Variants in PHC2 observed in about 807,000 individuals in gnomAD.
PHC2 encodes polyhomeotic homolog 2, also known as polyhomeotic-like protein 2.
Under a neutral mutation model 87.4 loss-of-function variants are expected in PHC2, and 29 were observed. The observed-to-expected ratio is 0.33, with a 90% CI of 0.25 to 0.45. The LOEUF (loss-of-function observed/expected upper bound fraction) is 0.45, where lower values mean the gene tolerates loss of function less well. PHC2 is among the 20% of genes least tolerant of loss of function. The probability of loss-of-function intolerance (pLI) is 1.00; values close to 1 mark genes in which losing one functional copy is unlikely to be tolerated. For synonymous variants in PHC2, 438 were observed against 461.7 expected (o/e 0.95, Z 0.66); for missense variants, 857 against 1,136.7 (o/e 0.75, Z 3.54).
At chr1:33,358,336 T>C (rs61801974) in intron 7 of PHC2, among the ~76,000 whole-genome samples, 6,036 of 152,174 alleles carry the variant, frequency 0.04, 171 homozygotes, top group Non-Finnish European at 0.059. Flanking sequence ...CTGAAAGCAA[T>C]TGTTTTAGGA....
intron 6 of PHC2, among the ~76,000 whole-genome samples, chr1:33,367,679 CA>C (rs1404184175): frequency 6.6e-6 from 1 of 152,070 alleles, no homozygotes; most frequent in African/African-American, 2.4e-5. Flanking sequence ...ACCTGCTGCC[CA>C]GCTGGGCGGG....
At chr1:33,410,171 T>C (rs1260602096) in intron 1 of PHC2, among the ~76,000 whole-genome samples, 2 of 152,232 alleles carry the variant, frequency 1.3e-5, no homozygotes, top group African/African-American at 4.8e-5. Flanking sequence ...CAGTTCAATT[T>C]GTATTAATCC....
chr1:33,389,892 C>T (rs933163778), intron 1 of PHC2, among the ~76,000 whole-genome samples: 4 of 152,132 alleles, frequency 2.6e-5, no homozygotes, highest in African/African-American at 7.2e-5. Flanking sequence ...ATGGATAGGT[C>T]CCCCTCAACC....
chr1:33,419,509 T>G (rs1317562111), intron 1 of PHC2, among the ~76,000 whole-genome samples: 1 of 152,226 alleles, frequency 6.6e-6, no homozygotes, highest in Non-Finnish European at 1.5e-5. Context: ...TGTGTCTTCC[T>G]CTGCCTCTCT....
intron 4 of PHC2, 97 bp from the exon 5 acceptor site, chr1:33,370,682 G>T: frequency 1.6e-6 from 2 of 1,232,494 alleles, no homozygotes; most frequent in Non-Finnish European, 2.3e-6. Context: ...TTGCTCCTTG[G>T]TTTATTCAGC....
At chr1:33,344,714 C>T (rs1197902446) in intron 9 of PHC2, among the ~76,000 whole-genome samples, 1 of 152,128 alleles carries the variant, frequency 6.6e-6, no homozygotes. Context: ...AGCGATCCTC[C>T]CACCTCGGTC....
chr1:33,357,489 G>A (rs529560456), intron 7 of PHC2, among the ~76,000 whole-genome samples: 1 of 152,230 alleles, frequency 6.6e-6, no homozygotes, highest in Non-Finnish European at 1.5e-5. Context: ...CGTAGTCAGA[G>A]AGAGAGGGAC....
intron 7 of PHC2, among the ~76,000 whole-genome samples, chr1:33,363,565 C>T (rs1454093603): frequency 6.6e-6 from 1 of 152,216 alleles, no homozygotes; most frequent in Non-Finnish European, 1.5e-5. Context: ...GCTGTGTGGC[C>T]TTCCAGCAGA....
chr1:33,386,467 C>T (rs534084595), intron 1 of PHC2, among the ~76,000 whole-genome samples: 4 of 151,816 alleles, frequency 2.6e-5, no homozygotes, highest in South Asian at 2.1e-4. Context: ...TGCAGTGAGC[C>T]GAGACCATGA....
intron 1 of PHC2, among the ~76,000 whole-genome samples, chr1:33,407,769 T>C (rs1436089206): frequency 1.3e-5 from 2 of 152,226 alleles, no homozygotes; most frequent in African/African-American, 2.4e-5. Context: ...GATAGTATTT[T>C]TATTTAAAAA....
chr1:33,375,220 C>T, intron 2 of PHC2, 146 bp downstream of exon 2: 2 of 643,304 alleles, frequency 3.1e-6, no homozygotes, highest in East Asian at 3.0e-5. Flanking sequence ...TGTAACTATA[C>T]ACAAATGTGT....
Position 33,332,199 on chromosome 1 carries a change from A to C in PHC2, c.1891+76T>G. 5 of 1,548,078 alleles carry C rather than the reference A, an allele frequency of 3.2e-6. No homozygotes were observed. The highest frequency in any genetic ancestry group is 4.5e-6 in the Non-Finnish European group (5 of 1,122,696). On this transcript the variant is annotated intron_variant, in intron 11 of 14. Coordinates refer to ENST00000683057, the MANE Select transcript of PHC2 (RefSeq NM_001385109.1). This position sits in a 1 kb window ranked among gnomAD's most constrained non-coding sequence, Gnocchi z 4.2. Reference sequence around the variant, plus strand: ...TGGCTCAGGGTTCCTCTGGGGAAACAGAGAGAGGAAGTGTGTGAGGCCTGC... The same window carrying C: ...TGGCTCAGGGTTCCTCTGGGGAAACCGAGAGAGGAAGTGTGTGAGGCCTGC...
At chr1:33,333,875 G>C (rs1646562880) in intron 10 of PHC2, 1 of 536,726 alleles carries the variant, frequency 1.9e-6, no homozygotes, top group Admixed American at 3.6e-5. Context: ...CTAACCAAGG[G>C]TCTTGTCAAT....
At position 33,367,146 on chromosome 1, in the gene PHC2, C is replaced by T; in HGVS notation, c.946G>A (p.Ala316Thr). The change falls in exon 7 of 15, where the codon GCT (alanine) becomes ACT (threonine). Residue 316 changes from alanine to threonine, a missense_variant. Physicochemically the swap from Ala to Thr is moderately conservative, Grantham distance 58 (BLOSUM62 0). Coordinates refer to ENST00000683057, the MANE Select transcript of PHC2 (RefSeq NM_001385109.1). ...GRAGLSRTVP[A>T]VAAHPLIAPA... ...GCAATGAGGGGGTGGGCAGCCACAGCAGGAACCGTCCGGCTGAGCCCAGCC... is the reference window on the plus strand; with the variant it reads ...GCAATGAGGGGGTGGGCAGCCACAGTAGGAACCGTCCGGCTGAGCCCAGCC... 1.9e-6 allele frequency: 3 copies of T among 1,612,030 alleles called. No homozygotes were observed. The highest frequency in any genetic ancestry group is 2.5e-6 in the Non-Finnish European group (3 of 1,178,628).
chr1:33,349,198 C>T lies in PHC2; in HGVS notation c.1558+5203G>A, dbSNP rs1192902986. 1 of 975,714 alleles carries T rather than the reference C, an allele frequency of 1.0e-6. No homozygotes were observed. Among genetic ancestry groups the T allele is most frequent in the Non-Finnish European group, 1.2e-6 (1 of 821,832 alleles). 60.4% of individuals were successfully genotyped at this position (975,714 alleles called of 1,614,324 possible). ...AACTCTCCAGCGAAGCCGCAGGCGC[C>T]TCCAAGATAGGGAGTCCACCACCAA... On this transcript the variant is annotated intron_variant, in intron 9 of 14. Coordinates refer to ENST00000683057, the MANE Select transcript of PHC2 (RefSeq NM_001385109.1). This position sits in a 1 kb window ranked among gnomAD's most constrained non-coding sequence, Gnocchi z 4.2.
At chr1:33,411,507 G>A (rs1259683831) in intron 1 of PHC2, among the ~76,000 whole-genome samples, 1 of 151,510 alleles carries the variant, frequency 6.6e-6, no homozygotes, top group Non-Finnish European at 1.5e-5. Flanking sequence ...AAAAAATCTA[G>A]CAATGTAAAT....
At chr1:33,411,850 G>C (rs1020265959) in intron 1 of PHC2, among the ~76,000 whole-genome samples, 1 of 152,000 alleles carries the variant, frequency 6.6e-6, no homozygotes, top group Non-Finnish European at 1.5e-5. Flanking sequence ...TGAGCCATTC[G>C]CACCGGGCCT....
rs1297493311 is a variant in PHC2 at position 33,328,979 on chromosome 1, G to T, written c.2316C>A (p.Leu772=). ...RRRQGQRDLE[L]PDMHMRDLVG... is the part of the protein sequence containing the mutation. ...CCAGGTCCCGCATATGCATGTCGGG[G>T]AGCTCCAGGTCCCGCTGGCCTTGTC... The change falls in exon 14 of 15, where the codon CTC becomes CTA. Residue 772 remains leucine, a synonymous_variant. Coordinates refer to ENST00000683057, the MANE Select transcript of PHC2 (RefSeq NM_001385109.1). 6.2e-7 allele frequency: 1 copy of T among 1,614,210 alleles called. No individual in the cohort carries two copies. Among genetic ancestry groups the T allele is most frequent in the East Asian group, 2.2e-5 (1 of 44,890 alleles).
At chr1:33,420,033 C>T (rs1438382585) in intron 1 of PHC2, among the ~76,000 whole-genome samples, 3 of 152,072 alleles carry the variant, frequency 2.0e-5, no homozygotes, top group East Asian at 3.9e-4. Flanking sequence ...GTAATATTTA[C>T]AAGTTCTGGG....
Sources: allele counts gnomAD v4.1 joint callset (sites outside exome capture counted in the v4.1 genomes callset), GRCh38; gene constraint gnomAD v4.1.1; non-coding constraint Gnocchi (gnomAD v3.1); transcripts MANE v1.5; gene names NCBI Gene and HGNC (gene_info 2026-07-23, HGNC 2026-07-21).